The following DDR2 variants were observed in gnomAD, a reference collection of about 807,000 sequenced individuals.
DDR2 encodes discoidin domain receptor tyrosine kinase 2.
Under a neutral mutation model 94.9 loss-of-function variants are expected in DDR2, and 27 were observed. The observed-to-expected ratio is 0.28, with a 90% CI of 0.21 to 0.39. The LOEUF (loss-of-function observed/expected upper bound fraction) is 0.39. DDR2 is among the 10% of genes least tolerant of loss of function. The probability of loss-of-function intolerance (pLI) is 1.00; values close to 1 mark genes in which losing one functional copy is unlikely to be tolerated. For missense variants in DDR2, 783 were observed against 1,076.0 expected, an observed-to-expected ratio of 0.73 and a Z score of 3.81; for synonymous variants, 382 against 377.2, an observed-to-expected ratio of 1.01 and a Z score of -0.15.
intron 2 of DDR2, among the ~76,000 whole-genome samples, chr1:162,695,007 A>G (rs1348230825): frequency 1.3e-5 from 2 of 152,176 alleles, no homozygotes; most frequent in Non-Finnish European, 2.9e-5. Flanking sequence ...TCGAAATCCA[A>G]ATGTCTTGCT....
In DDR2 at chr1:162,770,324, A is replaced by G; in HGVS notation, c.1316A>G (p.Asp439Gly). 1.2e-6 allele frequency: 2 copies of G among 1,614,094 alleles called. No individual in the cohort carries two copies. The highest frequency in any genetic ancestry group is 1.7e-6 in the Non-Finnish European group (2 of 1,180,004). Residue 439 changes from aspartate (D) to glycine (G), a missense_variant, in exon 12 of 18, where the codon GAT becomes GGT. Transcript: ENST00000367921. ...CAGGCTTCTCGGAGGATGCTGGATG[A>G]TGAAATGACAGTCAGCCTTTCCCTG... Reference protein sequence around the residue: ...LEKASRRMLDDEMTVSLSLPS... With the variant: ...LEKASRRMLDGEMTVSLSLPS...
At chr1:162,724,325 T>G (rs1390053542) in intron 3 of DDR2, among the ~76,000 whole-genome samples, 1 of 152,066 alleles carries the variant, frequency 6.6e-6, no homozygotes, top group Non-Finnish European at 1.5e-5. Context: ...CAACTTCCAA[T>G]GTATATTTAT....
intron 3 of DDR2, among the ~76,000 whole-genome samples, chr1:162,736,121 T>C (rs1380458743): frequency 6.6e-6 from 1 of 152,220 alleles, no homozygotes; most frequent in Admixed American, 6.5e-5. Context: ...CACAGCACAG[T>C]CACCTGGTGG....
intron 3 of DDR2, among the ~76,000 whole-genome samples, chr1:162,740,943 C>T (rs13374468): frequency 0.02 from 3,020 of 152,018 alleles, 83 homozygotes; most frequent in African/African-American, 0.059. Flanking sequence ...TCTTGGGACA[C>T]ACGGCTTGCA....
intron 3 of DDR2, among the ~76,000 whole-genome samples, chr1:162,735,055 A>G (rs1662230359): frequency 6.6e-6 from 1 of 152,138 alleles, no homozygotes; most frequent in African/African-American, 2.4e-5. Context: ...GATTTGTAGA[A>G]CTTGCTAATG....
intron 2 of DDR2, among the ~76,000 whole-genome samples, chr1:162,667,779 C>T (rs544095805): frequency 5.9e-5 from 9 of 152,252 alleles, no homozygotes; most frequent in African/African-American, 1.9e-4. Flanking sequence ...ATGACACTAC[C>T]CCTCTCCCTC....
intron 2 of DDR2, among the ~76,000 whole-genome samples, chr1:162,706,088 T>C (rs1031967477): frequency 2.0e-5 from 3 of 152,214 alleles, no homozygotes; most frequent in African/African-American, 7.2e-5. Flanking sequence ...AGACAGATTA[T>C]TGTGGCCTAG....
chr1:162,682,498 A>G (rs1038479990), intron 2 of DDR2, among the ~76,000 whole-genome samples: 1 of 152,188 alleles, frequency 6.6e-6, no homozygotes, highest in Middle Eastern at 3.2e-3. Context: ...TAAAATATGT[A>G]TAGCCTGTGC....
chr1:162,634,107 T>A (rs1358880896), intron 1 of DDR2, among the ~76,000 whole-genome samples: 1 of 152,190 alleles, frequency 6.6e-6, no homozygotes, highest in Non-Finnish European at 1.5e-5. Flanking sequence ...CACTGGCTGA[T>A]CAGGAGGTGA....
At chr1:162,706,386 A>C (rs758832561) in intron 2 of DDR2, among the ~76,000 whole-genome samples, 1 of 152,238 alleles carries the variant, frequency 6.6e-6, no homozygotes, top group Non-Finnish European at 1.5e-5. Context: ...ATATGTGTTC[A>C]TATCCTCAAA....
chr1:162,737,143 TA>T (rs1280828818), intron 3 of DDR2, among the ~76,000 whole-genome samples: 5 of 121,504 alleles, frequency 4.1e-5, no homozygotes, highest in South Asian at 6.7e-4. Flanking sequence ...ATTTTTTATT[TA>T]TTTTTTTTGG....
At chr1:162,707,631 TCTC>T (rs1482925642) in intron 2 of DDR2, among the ~76,000 whole-genome samples, 2 of 152,128 alleles carry the variant, frequency 1.3e-5, no homozygotes, top group Non-Finnish European at 2.9e-5. Context: ...GTCATGTAAA[TCTC>T]CTCCTGGCAA....
intron 14 of DDR2, among the ~76,000 whole-genome samples, chr1:162,775,426 T>C (rs1647478609): frequency 6.6e-6 from 1 of 152,196 alleles, no homozygotes; most frequent in African/African-American, 2.4e-5. Flanking sequence ...GAATAAGTCA[T>C]GGATCTTGTT....
chr1:162,755,076 C>T, intron 5 of DDR2, 80 bp from the exon 6 acceptor site: 1 of 1,583,880 alleles, frequency 6.3e-7, no homozygotes, highest in African/African-American at 1.3e-5. Flanking sequence ...AAGAGAGAGT[C>T]CATCAAAAAC....
chr1:162,690,258 G>A (rs1038242059), intron 2 of DDR2, among the ~76,000 whole-genome samples: 23 of 152,184 alleles, frequency 1.5e-4, no homozygotes, highest in African/African-American at 5.1e-4. Flanking sequence ...TAGTCACAAA[G>A]CTAGCAGGTG....
At chr1:162,691,794 A>G (rs530582567) in intron 2 of DDR2, among the ~76,000 whole-genome samples, 1 of 152,350 alleles carries the variant, frequency 6.6e-6, no homozygotes, top group Non-Finnish European at 1.5e-5. Context: ...TTCTGCTACC[A>G]ATATCTACTT....
chr1:162,697,491 G>GGC (rs1258487619), intron 2 of DDR2, among the ~76,000 whole-genome samples: 4 of 152,170 alleles, frequency 2.6e-5, no homozygotes, highest in Non-Finnish European at 5.9e-5. Context: ...TGCTAACCTG[G>GGC]ACTGTTTCTT....
At chr1:162,677,572 G>C (rs141050573) in intron 2 of DDR2, among the ~76,000 whole-genome samples, 4 of 152,252 alleles carry the variant, frequency 2.6e-5, no homozygotes, top group Non-Finnish European at 5.9e-5. Flanking sequence ...ATGAATAGGT[G>C]GGGGGATGCA....
chr1:162,680,845 A>G (rs1378849555), intron 2 of DDR2, among the ~76,000 whole-genome samples: 1 of 152,198 alleles, frequency 6.6e-6, no homozygotes, highest in African/African-American at 2.4e-5. Context: ...TAAAAACACA[A>G]TTTTTTATAA....
Sources: gnomAD v4.1 joint callset for allele counts (sites outside exome capture counted in the v4.1 genomes callset) on GRCh38, gnomAD v4.1.1 for gene constraint, MANE v1.5 for transcripts, NCBI Gene and HGNC (gene_info 2026-07-23, HGNC 2026-07-21) for gene names.